Variants in HMGA2 observed in about 807,000 individuals in gnomAD.
HMGA2 encodes the protein high mobility group AT-hook 2.
In HMGA2, 8 loss-of-function variants were observed where a neutral mutation model predicts 19.1. The observed-to-expected ratio is 0.42, with a 90% CI of 0.25 to 0.76. HMGA2 has a LOEUF of 0.76. HMGA2 is among the 30% of genes least tolerant of loss of function. The pLI is 0.28. For synonymous variants in HMGA2, 60 were observed against 48.8 expected, an observed-to-expected ratio of 1.23 and a Z score of -0.96; for missense variants, 109 against 136.3, an observed-to-expected ratio of 0.80 and a Z score of 1.00.
intron 4 of HMGA2, among the ~76,000 whole-genome samples, chr12:65,961,968 A>G (rs1328594390): frequency 6.6e-6 from 1 of 152,214 alleles, no homozygotes; most frequent in East Asian, 1.9e-4. Context: ...GGTGTACTGT[A>G]GTGACCTGGG....
intron 3 of HMGA2, among the ~76,000 whole-genome samples, chr12:65,852,070 TA>T (rs1871501120): frequency 6.6e-6 from 1 of 150,642 alleles, no homozygotes; most frequent in Non-Finnish European, 1.5e-5. Context: ...TTTGTACAAA[TA>T]ATTTGAAAGT....
chr12:65,835,293 T>C (rs964798569), intron 2 of HMGA2, among the ~76,000 whole-genome samples: 4 of 152,202 alleles, frequency 2.6e-5, no homozygotes, highest in Admixed American at 6.5e-5. Context: ...TGTTTTCCAA[T>C]ATGTAAAAAT....
chr12:65,850,827 G>GA (rs1262196061), intron 3 of HMGA2, among the ~76,000 whole-genome samples: 1 of 152,122 alleles, frequency 6.6e-6, no homozygotes, highest in Admixed American at 6.5e-5. Flanking sequence ...TTATGTGTAT[G>GA]AAAAAAGCAA....
intron 3 of HMGA2, among the ~76,000 whole-genome samples, chr12:65,943,129 C>T (rs1469246365): frequency 6.6e-6 from 1 of 152,104 alleles, no homozygotes; most frequent in Admixed American, 6.6e-5. Context: ...CATTTGTCTC[C>T]CCCATTAGAC....
chr12:65,958,397 C>T (rs986827643), intron 4 of HMGA2: 1 of 152,116 alleles, frequency 6.6e-6, no homozygotes, highest in Admixed American at 6.6e-5. Context: ...TATATATGTT[C>T]CATTTAACAT....
At chr12:65,915,776 G>T (rs1158461334) in intron 3 of HMGA2, among the ~76,000 whole-genome samples, 3 of 151,944 alleles carry the variant, frequency 2.0e-5, no homozygotes, top group Non-Finnish European at 4.4e-5. Flanking sequence ...TGGACATTTG[G>T]GTATTAACCC....
In HMGA2 at chr12:65,963,816, T is replaced by C. The variant is rs913718521; in HGVS notation, c.*524T>C. 16 of 223,956 alleles carry C rather than the reference T, an allele frequency of 7.1e-5. No individual in the cohort carries two copies. The highest frequency in any genetic ancestry group is 1.1e-4 in the Non-Finnish European group (12 of 112,230). 13.9% of individuals were successfully genotyped at this position (223,956 alleles called of 1,614,324 possible). A position where few individuals can be genotyped will look rare whatever the true frequency, so the allele number is the denominator to read the frequency against. ...TGTTTAGAACACCAAAGATAAGGAC[T>C]AGATACTACTTTCTCTTTTTCGTAT... On this transcript the variant is annotated 3_prime_UTR_variant, in exon 5 of 5. Coordinates refer to ENST00000403681, the MANE Select transcript of HMGA2 (RefSeq NM_003483.6).
chr12:65,826,380 C>T lies in HMGA2; in HGVS notation c.111+999C>T, dbSNP rs955396805. ...GTTTTGTTCGCTGTAATTTCCAAGC[C>T]GCGGCGGGCAGAGTTGGAGCGGGAT... is the stretch of plus-strand genomic sequence containing the variant. On this transcript the variant is annotated intron_variant, in intron 1 of 4. Transcript: ENST00000403681. 4 of 152,258 alleles carry T rather than the reference C, an allele frequency of 2.6e-5. No individual in the cohort carries two copies. In the South Asian group the frequency reaches 6.2e-4, roughly 24 times the overall value. The allele number at this position is 152,258 out of a possible 1,614,324, so 9.4% of individuals were successfully genotyped here.
chr12:65,899,738 T>C (rs1874295209), intron 3 of HMGA2, among the ~76,000 whole-genome samples: 1 of 152,204 alleles, frequency 6.6e-6, no homozygotes, highest in African/African-American at 2.4e-5. Context: ...GGTTGTGTTA[T>C]TTTTATGAAG....
At chr12:65,866,821 T>C (rs1872441029) in intron 3 of HMGA2, 1 of 457,256 alleles carries the variant, frequency 2.2e-6, no homozygotes, top group Non-Finnish European at 4.4e-6. Context: ...GCAGCTGACA[T>C]GTACCAAGAT....
intron 3 of HMGA2, chr12:65,881,105 G>A (rs1178902141): frequency 6.6e-6 from 1 of 152,456 alleles, no homozygotes; most frequent in Non-Finnish European, 1.5e-5. Flanking sequence ...GCGGTGAATT[G>A]ACAGGCAGTT....
intron 4 of HMGA2, chr12:65,952,233 T>G (rs1182175011): frequency 1.5e-6 from 1 of 671,348 alleles, no homozygotes; most frequent in Admixed American, 2.4e-5. Flanking sequence ...CCTGCTAAAA[T>G]AAGTAGTAAG....
chr12:65,952,767 C>T (rs1348884205), intron 4 of HMGA2: 1 of 192,140 alleles, frequency 5.2e-6, no homozygotes, highest in Non-Finnish European at 1.1e-5. Flanking sequence ...AAGGATGAGG[C>T]AGAGTTCACA....
At chr12:65,860,090 TGAAAA>T (rs530831236) in intron 3 of HMGA2, 264 of 436,688 alleles carry the variant, frequency 6.0e-4, no homozygotes, top group Non-Finnish European at 8.5e-4. Flanking sequence ...AGACTCTGTC[TGAAAA>T]GAAAAGAAAA....
intron 3 of HMGA2, among the ~76,000 whole-genome samples, chr12:65,914,186 A>G (rs1874970961): frequency 6.6e-6 from 1 of 152,100 alleles, no homozygotes; most frequent in Admixed American, 6.6e-5. Flanking sequence ...ATAAAGACAC[A>G]TGCACACGTA....
intron 3 of HMGA2, among the ~76,000 whole-genome samples, chr12:65,942,967 T>G (rs1301969942): frequency 6.6e-6 from 1 of 152,234 alleles, no homozygotes; most frequent in Non-Finnish European, 1.5e-5. Flanking sequence ...CTCTACTTTT[T>G]CATTTTCCCT....
chr12:65,933,005 C>T (rs894925820), intron 3 of HMGA2, among the ~76,000 whole-genome samples: 6 of 152,148 alleles, frequency 3.9e-5, no homozygotes, highest in Non-Finnish European at 7.4e-5. Flanking sequence ...TTTTTTCTTT[C>T]CCACACCTCT....
intron 3 of HMGA2, among the ~76,000 whole-genome samples, chr12:65,863,682 A>T (rs189285653): frequency 6.6e-6 from 1 of 152,368 alleles, no homozygotes; most frequent in East Asian, 1.9e-4. Flanking sequence ...TCCCATGGAC[A>T]GGATCTTGGA....
chr12:65,911,708 C>A (rs1874853280), intron 3 of HMGA2, among the ~76,000 whole-genome samples: 1 of 152,104 alleles, frequency 6.6e-6, no homozygotes, highest in African/African-American at 2.4e-5. Flanking sequence ...TTTGGGGCCC[C>A]TTTTGGTCTT....
Sources: gnomAD v4.1 joint callset for allele counts (sites outside exome capture counted in the v4.1 genomes callset) on GRCh38, gnomAD v4.1.1 for gene constraint, MANE v1.5 for transcripts, NCBI Gene and HGNC (gene_info 2026-07-23, HGNC 2026-07-21) for gene names.